The following ATP6V1C2 variants were observed in gnomAD, a reference collection of about 807,000 sequenced individuals.
ATP6V1C2 encodes the protein ATPase H+ transporting V1 subunit C2.
In ATP6V1C2, 45 loss-of-function variants were observed where a neutral mutation model predicts 56.8. That is an observed-to-expected ratio of 0.79 (90% confidence interval 0.62 to 1.02). ATP6V1C2 has a LOEUF of 1.02. ATP6V1C2 is among the 50% of genes least tolerant of loss of function. ATP6V1C2 has a pLI of 0.00. For synonymous variants in ATP6V1C2, 220 were observed against 201.3 expected (o/e 1.09, Z -0.79); for missense variants, 463 against 519.7 (o/e 0.89, Z 1.06).
chr2:10,763,237 G>A lies in ATP6V1C2; in HGVS notation c.284-1094G>A, dbSNP rs1664027278. 3.9e-5 allele frequency among the ~76,000 whole-genome samples: 6 copies of A among 152,008 alleles called. No homozygotes were observed. Among genetic ancestry groups the A allele is most frequent in the South Asian group, 2.1e-4 (1 of 4,802 alleles). On this transcript the variant is annotated intron_variant, in intron 4 of 13. Transcript: ENST00000272238. This position sits in a 1 kb window ranked among gnomAD's most constrained non-coding sequence, Gnocchi z 4.2. ...CAGCCCTCCTCACCTGACACCCGGC[G>A]CCCTCCATCACCGGCCACACGGCCA...
intron 3 of ATP6V1C2, among the ~76,000 whole-genome samples, chr2:10,749,055 G>A (rs897479626): frequency 3.5e-5 from 5 of 141,040 alleles, no homozygotes; most frequent in African/African-American, 1.1e-4. Context: ...ACTTGAACCC[G>A]GGAGATGGAG....
chr2:10,748,332 ATGT>A, intron 3 of ATP6V1C2, among the ~76,000 whole-genome samples: 1 of 152,286 alleles, frequency 6.6e-6, no homozygotes, highest in South Asian at 2.1e-4. Context: ...TGCACAAGTG[ATGT>A]TGTTTTCCTC....
Position 10,770,325 on chromosome 2 carries a change from GA to G in ATP6V1C2, c.471-1513del, listed in dbSNP as rs574501773. On this transcript the variant is annotated intron_variant, in intron 6 of 13. Transcript: ENST00000272238. ...AGGCAGGAGAATCGCTTGAACCCGG[GA>G]GGAGGAGGTTGCAGTGAGCCGAGAT... Among the ~76,000 whole-genome samples the G allele has an allele frequency of 3.4e-3, 511 of 152,248 alleles. 3 individuals are homozygous for G. Among genetic ancestry groups the G allele is most frequent in the Non-Finnish European group, 5.6e-3 (383 of 68,020 alleles).
chr2:10,766,061 C>T (rs934425707), intron 5 of ATP6V1C2, among the ~76,000 whole-genome samples: 22 of 152,128 alleles, frequency 1.4e-4, no homozygotes, highest in Non-Finnish European at 2.8e-4. Flanking sequence ...AGGGGTTGAG[C>T]GAGCGATCCA....
rs190566843 is a variant in ATP6V1C2 at position 10,769,062 on chromosome 2, C to G, written c.470+252C>G. 3.6e-3 allele frequency among the ~76,000 whole-genome samples: 553 copies of G among 152,240 alleles called. 7 individuals are homozygous for G. The highest frequency in any genetic ancestry group is 0.013 in the African/African-American group (535 of 41,550). On this transcript the variant is annotated intron_variant, in intron 6 of 13. Transcript: ENST00000272238. The stretch of plus-strand genomic sequence containing the variant: ...TGGCCATGCTGCTCCTCACCGCACG[C>G]TTCCATCTCCCAGCTTCTCCAGGGC...
Position 10,763,861 on chromosome 2 carries a change from A to G in ATP6V1C2, c.284-470A>G, listed in dbSNP as rs1308664715. On this transcript the variant is annotated intron_variant, in intron 4 of 13. Transcript: ENST00000272238. The surrounding 1 kb of genome is among the most constrained non-coding windows in gnomAD (Gnocchi z 4.2). ...TCAGTGTTGCTTCTTTCTGACTTCA[A>G]TTCTGGGGCTCTCTCCACCCCACAC... 6.6e-6 allele frequency among the ~76,000 whole-genome samples: 1 copy of G among 152,124 alleles called. No homozygotes were observed. Among genetic ancestry groups the G allele is most frequent in the Non-Finnish European group, 1.5e-5 (1 of 68,018 alleles).
intron 5 of ATP6V1C2, among the ~76,000 whole-genome samples, chr2:10,764,678 G>A (rs1664118597): frequency 6.6e-6 from 1 of 152,208 alleles, no homozygotes; most frequent in South Asian, 2.1e-4. Flanking sequence ...TTTTTCAAAA[G>A]TTACTGATGG....
intron 2 of ATP6V1C2, among the ~76,000 whole-genome samples, chr2:10,725,695 A>G (rs904562187): frequency 6.6e-6 from 1 of 150,884 alleles, no homozygotes; most frequent in African/African-American, 2.4e-5. Context: ...GGGTTTTGCC[A>G]TATTGGCCAG....
In ATP6V1C2 at chr2:10,749,373, C is replaced by T. The variant is rs562608649; in HGVS notation, c.198-4608C>T. Among the ~76,000 whole-genome samples, 6 of 151,952 alleles carry T rather than the reference C, an allele frequency of 3.9e-5. No individual in the cohort carries two copies. The East Asian group carries it at 5.8e-4, about 15-fold the overall frequency. On this transcript the variant is annotated intron_variant, in intron 3 of 13. Coordinates refer to ENST00000272238, the MANE Select transcript of ATP6V1C2 (RefSeq NM_001039362.2). ...TTAAATGAACAAGCCAGTAAAAAGCCGGCAAAATATATGAACATGCTATCC... is the reference window on the plus strand; with the variant it reads ...TTAAATGAACAAGCCAGTAAAAAGCTGGCAAAATATATGAACATGCTATCC...
Position 10,784,941 on chromosome 2 carries a change from T to C in ATP6V1C2, c.*1678T>C, listed in dbSNP as rs1480643040. On this transcript the variant is annotated 3_prime_UTR_variant, in exon 14 of 14. Coordinates refer to ENST00000272238, the MANE Select transcript of ATP6V1C2 (RefSeq NM_001039362.2). ...TCCCTCCCGGGCACTCACCTCGCCA[T>C]CCCTGCCGTCCCAAGGCTCTCTCTC... 6.3e-7 allele frequency: 1 copy of C among 1,582,378 alleles called. No individual in the cohort carries two copies. Among genetic ancestry groups the C allele is most frequent in the Non-Finnish European group, 8.6e-7 (1 of 1,162,452 alleles).
Position 10,771,950 on chromosome 2 carries a change from C to T in ATP6V1C2, c.569+13C>T, listed in dbSNP as rs758710554. Reference sequence around the variant, plus strand: ...TCATCGTCCCCAAGTGAGTGCTGGGCGATCACGAAGGAAACCGGCCCTGCC... The same window carrying T: ...TCATCGTCCCCAAGTGAGTGCTGGGTGATCACGAAGGAAACCGGCCCTGCC... On this transcript the variant is annotated intron_variant, in intron 7 of 13. Coordinates refer to ENST00000272238, the MANE Select transcript of ATP6V1C2 (RefSeq NM_001039362.2). 107 of 1,610,356 alleles carry T rather than the reference C, an allele frequency of 6.6e-5. No individual in the cohort carries two copies. In the South Asian group the frequency reaches 9.0e-4, roughly 14 times the overall value.
At position 10,784,512 on chromosome 2, in the gene ATP6V1C2, T is replaced by C. The variant is rs1259326376; in HGVS notation, c.*1249T>C. ...CGGATGGAAAAGCTCAGAACTCAGGTGAAACATTTCAACATCACATCACTC... is the reference window on the plus strand; with the variant it reads ...CGGATGGAAAAGCTCAGAACTCAGGCGAAACATTTCAACATCACATCACTC... On this transcript the variant is annotated 3_prime_UTR_variant, in exon 14 of 14. Transcript: ENST00000272238. 1.8e-6 allele frequency: 1 copy of C among 549,540 alleles called. No individual in the cohort carries two copies. Among genetic ancestry groups the C allele is most frequent in the Non-Finnish European group, 3.2e-6 (1 of 313,826 alleles). The allele number at this position is 549,540 out of a possible 1,614,324, so 34.0% of individuals were successfully genotyped here. A position where few individuals can be genotyped will look rare whatever the true frequency, so the allele number is the denominator to read the frequency against.
chr2:10,765,672 G>A (rs1664176462), intron 5 of ATP6V1C2, among the ~76,000 whole-genome samples: 1 of 152,252 alleles, frequency 6.6e-6, no homozygotes, highest in Non-Finnish European at 1.5e-5. Context: ...CCTTCAAGGA[G>A]GGTGTGCCCA....
chr2:10,729,278 C>T lies in ATP6V1C2; in HGVS notation c.197+2709C>T, dbSNP rs1034957875. Among the ~76,000 whole-genome samples the T allele has an allele frequency of 5.3e-5, 8 of 151,522 alleles. 1 individual carries two copies. The East Asian group carries it at 1.4e-3, about 27-fold the overall frequency. On this transcript the variant is annotated intron_variant, in intron 3 of 13. Coordinates refer to ENST00000272238, the MANE Select transcript of ATP6V1C2 (RefSeq NM_001039362.2). Reference sequence around the variant, plus strand: ...CTCCCAAGTTGAAGCAATCTCCTGCCTCAACCTCCCGAGTAGCTGGGATTA... The same window carrying T: ...CTCCCAAGTTGAAGCAATCTCCTGCTTCAACCTCCCGAGTAGCTGGGATTA...
chr2:10,766,888 A>C (rs1001141035), intron 5 of ATP6V1C2, among the ~76,000 whole-genome samples: 1 of 152,156 alleles, frequency 6.6e-6, no homozygotes, highest in African/African-American at 2.4e-5. Context: ...TATGGTATGT[A>C]GTTGTATAGT....
rs1337745725 is a variant in ATP6V1C2 at position 10,763,936 on chromosome 2, A to G, written c.284-395A>G. ...CCTGAAGGCAGTGGGTTTTGGGGAAAGAAAAGAAAAAAAGGAAATGCTTGA... is the reference window on the plus strand; with the variant it reads ...CCTGAAGGCAGTGGGTTTTGGGGAAGGAAAAGAAAAAAAGGAAATGCTTGA... On this transcript the variant is annotated intron_variant, in intron 4 of 13. Coordinates refer to ENST00000272238, the MANE Select transcript of ATP6V1C2 (RefSeq NM_001039362.2). This position sits in a 1 kb window ranked among gnomAD's most constrained non-coding sequence, Gnocchi z 4.2. Among the ~76,000 whole-genome samples, 1 of 152,182 alleles carries G rather than the reference A, an allele frequency of 6.6e-6. No individual in the cohort carries two copies. Among genetic ancestry groups the G allele is most frequent in the Non-Finnish European group, 1.5e-5 (1 of 68,034 alleles).
intron 8 of ATP6V1C2, among the ~76,000 whole-genome samples, chr2:10,773,271 G>A (rs71439030): frequency 0.15 from 22,870 of 151,446 alleles, 1,957 homozygotes; most frequent in South Asian, 0.22. Flanking sequence ...GGGCAGGAAG[G>A]CCACACTCAG....
At chr2:10,758,355 CAGG>C (rs1181808666) in intron 4 of ATP6V1C2, among the ~76,000 whole-genome samples, 2 of 152,200 alleles carry the variant, frequency 1.3e-5, no homozygotes, top group African/African-American at 2.4e-5. Context: ...CCTCTCTTCT[CAGG>C]AGAAGAAAAT....
At chr2:10,755,957 A>G (rs1663532069) in intron 4 of ATP6V1C2, among the ~76,000 whole-genome samples, 1 of 152,244 alleles carries the variant, frequency 6.6e-6, no homozygotes, top group Admixed American at 6.5e-5. Context: ...TAAAGTGTGC[A>G]AGGCAAAACC....
Sources: allele counts gnomAD v4.1 joint callset (sites outside exome capture counted in the v4.1 genomes callset), GRCh38; gene constraint gnomAD v4.1.1; non-coding constraint Gnocchi (gnomAD v3.1); transcripts MANE v1.5; gene names NCBI Gene and HGNC (gene_info 2026-07-23, HGNC 2026-07-21).